Variants in NAV2 observed in about 807,000 individuals in gnomAD.
NAV2 encodes helicase, APC down-regulated 1.
NAV2 carries 54 observed loss-of-function variants against 223.2 expected under a neutral mutation model. The ratio of observed to expected loss-of-function variants is 0.24; its 90% CI spans 0.19 to 0.30. NAV2 has a LOEUF of 0.30. NAV2 is among the 10% of genes least tolerant of loss of function. NAV2 has a pLI of 1.00. For synonymous variants in NAV2, 1,279 were observed against 1,239.3 expected (o/e 1.03, Z -0.67); for missense variants, 2,806 against 3,147.5 (o/e 0.89, Z 2.60).
chr11:19,963,783 A>T (rs1163327459), intron 10 of NAV2, among the ~76,000 whole-genome samples: 1 of 152,172 alleles, frequency 6.6e-6, no homozygotes, highest in Admixed American at 6.5e-5. Context: ...ATGGGGGCAA[A>T]ACTGGTTCTC....
At chr11:19,368,094 G>A (rs1277466917) in intron 1 of NAV2, among the ~76,000 whole-genome samples, 2 of 152,212 alleles carry the variant, frequency 1.3e-5, no homozygotes, top group Non-Finnish European at 2.9e-5. Context: ...GTACTCTGAT[G>A]TTAGCTTTAA....
At chr11:19,733,068 A>C (rs1024501268) in intron 1 of NAV2, among the ~76,000 whole-genome samples, 2 of 152,230 alleles carry the variant, frequency 1.3e-5, no homozygotes, top group Non-Finnish European at 2.9e-5. Context: ...GGAGAAGGCA[A>C]ACTTTAGCCA....
chr11:19,868,025 C>T (rs563206310), intron 3 of NAV2, among the ~76,000 whole-genome samples: 1 of 152,128 alleles, frequency 6.6e-6, no homozygotes, highest in South Asian at 2.1e-4. Context: ...AAAATAAATT[C>T]CATGGGTTAA....
At position 19,818,231 on chromosome 11, in the gene NAV2, ATTTTTTTTTTT is replaced by A. The variant is rs34649376; in HGVS notation, c.268-14232_268-14222del. Among the ~76,000 whole-genome samples the A allele has an allele frequency of 3.9e-3, 217 of 56,046 alleles. 1 individual carries two copies. The highest frequency in any genetic ancestry group is 0.018 in the African/African-American group (209 of 11,538). 36.8% of individuals were successfully genotyped at this position (56,046 alleles called of 152,430 possible). On this transcript the variant is annotated intron_variant, in intron 1 of 37. Coordinates refer to ENST00000349880, the MANE Select transcript of NAV2 (RefSeq NM_145117.5). ...CTGTCCCACCTGTGTGTATTTAGTG[ATTTTTTTTTTT>A]TTTTTTTTTTTTTTTTTTTTACTCC...
intron 11 of NAV2, chr11:20,022,500 A>G: frequency 1.0e-6 from 1 of 973,558 alleles, no homozygotes; most frequent in South Asian, 4.7e-5. Flanking sequence ...TGTCGTTGTT[A>G]ACTGTACAAA....
At chr11:19,854,464 T>C (rs2061316216) in intron 3 of NAV2, among the ~76,000 whole-genome samples, 1 of 152,188 alleles carries the variant, frequency 6.6e-6, no homozygotes, top group Admixed American at 6.5e-5. Flanking sequence ...TTCATTAAAA[T>C]TGATCTTCTG....
rs565833700 is a variant in NAV2 at position 19,952,881 on chromosome 11, A to G, written c.2645+3801A>G. On this transcript the variant is annotated intron_variant, in intron 10 of 37. Transcript: ENST00000349880. ...ACACTTTGTGTGTGTGTGTGTTCTT[A>G]TATTGTGCCTGGTATATACCAGGCA... Among the ~76,000 whole-genome samples, 109 of 152,216 alleles carry G rather than the reference A, an allele frequency of 7.2e-4. 1 individual carries two copies. The highest frequency in any genetic ancestry group is 3.4e-3 in the Middle Eastern group (1 of 294).
chr11:19,961,384 T>G (rs2048343201), intron 10 of NAV2, among the ~76,000 whole-genome samples: 1 of 152,152 alleles, frequency 6.6e-6, no homozygotes, highest in East Asian at 1.9e-4. Flanking sequence ...AAGTTCGAGT[T>G]GAGGTGAATA....
rs1565602503 is a variant in NAV2, at chr11:19,939,648, T to G, written c.2034-13T>G. ...CTCATGACAAGTGTGTCTGCTTCGG[T>G]TTGTGTGTGAAGGTCTCAGACGGAC... On this transcript the variant is annotated splice_polypyrimidine_tract_variant and intron_variant, in intron 7 of 37. Transcript: ENST00000349880. 1.9e-6 allele frequency: 3 copies of G among 1,610,986 alleles called. No individual in the cohort carries two copies. The highest frequency in any genetic ancestry group is 2.5e-6 in the Non-Finnish European group (3 of 1,177,362).
intron 1 of NAV2, among the ~76,000 whole-genome samples, chr11:19,728,052 C>T (rs1169559895): frequency 6.6e-6 from 1 of 152,192 alleles, no homozygotes. Flanking sequence ...GGGAAGCTGT[C>T]CTATGACTGA....
At chr11:20,048,654 C>T (rs780282764) in intron 14 of NAV2, 74 bp from the exon 15 acceptor site, 2 of 1,286,956 alleles carry the variant, frequency 1.6e-6, no homozygotes, top group Non-Finnish European at 2.2e-6. Context: ...ACTCCTCTGC[C>T]CTACCCTTCT....
At chr11:19,633,652 G>A (rs905061797) in intron 1 of NAV2, among the ~76,000 whole-genome samples, 4 of 152,250 alleles carry the variant, frequency 2.6e-5, no homozygotes, top group Non-Finnish European at 4.4e-5. Flanking sequence ...CCATGTTCAC[G>A]GACTGCTGCC....
At chr11:19,960,425 G>T (rs1333541080) in intron 10 of NAV2, among the ~76,000 whole-genome samples, 1 of 151,912 alleles carries the variant, frequency 6.6e-6, no homozygotes, top group African/African-American at 2.4e-5. Flanking sequence ...GAGGGTAATT[G>T]TTACTTAATT....
At chr11:19,437,607 G>T (rs1851258914) in intron 1 of NAV2, among the ~76,000 whole-genome samples, 1 of 152,006 alleles carries the variant, frequency 6.6e-6, no homozygotes, top group Admixed American at 6.6e-5. Flanking sequence ...GCTCACAAAT[G>T]GGTCAAATAT....
chr11:19,655,996 C>A (rs1196714205), intron 1 of NAV2, among the ~76,000 whole-genome samples: 1 of 152,146 alleles, frequency 6.6e-6, no homozygotes, highest in African/African-American at 2.4e-5. Flanking sequence ...TCCAGCTGAT[C>A]CCTTGGTTTT....
chr11:19,976,468 AG>A (rs986496135), intron 10 of NAV2, among the ~76,000 whole-genome samples: 4 of 152,184 alleles, frequency 2.6e-5, no homozygotes, highest in Non-Finnish European at 5.9e-5. Flanking sequence ...CGAGGCTGGC[AG>A]GGGGCCCCTG....
intron 2 of NAV2, among the ~76,000 whole-genome samples, chr11:19,836,867 A>G (rs982961393): frequency 2.5e-4 from 38 of 152,306 alleles, no homozygotes; most frequent in African/African-American, 8.7e-4. Flanking sequence ...CCTCATTTGC[A>G]GACAGCCATC....
intron 1 of NAV2, among the ~76,000 whole-genome samples, chr11:19,752,988 A>C (rs992413573): frequency 3.3e-5 from 5 of 152,160 alleles, no homozygotes; most frequent in Non-Finnish European, 5.9e-5. Flanking sequence ...TATTGCTCTT[A>C]TAAGGAGATG....
In NAV2 at chr11:19,964,809, C is replaced by CTTTTTT. The variant is rs71050695; in HGVS notation, c.2645+15751_2645+15756dup. On this transcript the variant is annotated intron_variant, in intron 10 of 37. Transcript: ENST00000349880. Reference sequence around the variant, plus strand: ...AGCCACCACAGCTGGCCTCATTCTACTTTTTTTTTTTTTTTTTTTTTTTTT... The same window carrying CTTTTTT: ...AGCCACCACAGCTGGCCTCATTCTACTTTTTTTTTTTTTTTTTTTTTTTTTTTTTTT... 7.8e-4 allele frequency among the ~76,000 whole-genome samples: 45 copies of CTTTTTT among 57,540 alleles called. 11 individuals are homozygous for CTTTTTT. The highest frequency in any genetic ancestry group is 6.6e-4 in the Admixed American group (3 of 4,534). 37.7% of individuals were successfully genotyped at this position (57,540 alleles called of 152,430 possible).
Sources: gnomAD v4.1 joint callset for allele counts (sites outside exome capture counted in the v4.1 genomes callset) on GRCh38, gnomAD v4.1.1 for gene constraint, MANE v1.5 for transcripts, NCBI Gene and HGNC (gene_info 2026-07-23, HGNC 2026-07-21) for gene names.